ZMAT4: variants seen among roughly 807,000 people sequenced by gnomAD.
The protein encoded by ZMAT4 is zinc finger matrin-type 4.
ZMAT4 carries 17 observed loss-of-function variants against 28.7 expected under a neutral mutation model. The observed-to-expected ratio is 0.59, with a 90% CI of 0.41 to 0.89. ZMAT4 has a LOEUF of 0.89. ZMAT4 is among the 40% of genes least tolerant of loss of function. The pLI, the probability that ZMAT4 is intolerant of heterozygous loss-of-function variation, is 0.00. For missense variants in ZMAT4, 240 were observed against 283.8 expected (o/e 0.85, Z 1.11); for synonymous variants, 117 against 109.2 (o/e 1.07, Z -0.44).
At chr8:40,838,671 T>G (rs1231089773) in intron 1 of ZMAT4, among the ~76,000 whole-genome samples, 1 of 152,160 alleles carries the variant, frequency 6.6e-6, no homozygotes, top group African/African-American at 2.4e-5. Flanking sequence ...AGACTGACTC[T>G]CAGTCAATGC....
chr8:40,602,326 G>A (rs1270008680), intron 5 of ZMAT4, among the ~76,000 whole-genome samples: 3 of 152,168 alleles, frequency 2.0e-5, no homozygotes, highest in Non-Finnish European at 2.9e-5. Context: ...CTATAAACAT[G>A]CATGTGCAAG....
intron 5 of ZMAT4, among the ~76,000 whole-genome samples, chr8:40,592,048 A>C (rs1804910992): frequency 6.6e-6 from 1 of 152,162 alleles, no homozygotes; most frequent in Non-Finnish European, 1.5e-5. Context: ...AAAACACCTA[A>C]TTTTGAAACT....
intron 5 of ZMAT4, among the ~76,000 whole-genome samples, chr8:40,671,066 C>T (rs1392988253): frequency 8.1e-6 from 1 of 123,596 alleles, no homozygotes; most frequent in African/African-American, 3.1e-5. Flanking sequence ...GACTCCATCT[C>T]AAAAAAAAAA....
intron 3 of ZMAT4, among the ~76,000 whole-genome samples, chr8:40,722,653 A>G (rs73611486): frequency 6.6e-6 from 1 of 152,150 alleles, no homozygotes; most frequent in Non-Finnish European, 1.5e-5. Flanking sequence ...AAATAAAACT[A>G]TCTAATGAAA....
intron 6 of ZMAT4, among the ~76,000 whole-genome samples, chr8:40,569,189 A>G (rs1044491548): frequency 4.6e-5 from 7 of 152,198 alleles, no homozygotes; most frequent in Non-Finnish European, 1.0e-4. Flanking sequence ...AAGAGAAGTG[A>G]TAAATAACTG....
At chr8:40,663,179 G>A (rs2599665) in intron 5 of ZMAT4, among the ~76,000 whole-genome samples, 1 of 151,974 alleles carries the variant, frequency 6.6e-6, no homozygotes, top group East Asian at 1.9e-4. Context: ...CTGAATGCTA[G>A]TTATGATCAC....
At chr8:40,756,858 T>G (rs998529853) in intron 3 of ZMAT4, among the ~76,000 whole-genome samples, 2 of 152,174 alleles carry the variant, frequency 1.3e-5, no homozygotes, top group Non-Finnish European at 2.9e-5. Context: ...TTATTTGATA[T>G]ACATTGGTGA....
At chr8:40,542,702 A>G (rs1423275159) in intron 6 of ZMAT4, among the ~76,000 whole-genome samples, 1 of 152,186 alleles carries the variant, frequency 6.6e-6, no homozygotes, top group Non-Finnish European at 1.5e-5. Flanking sequence ...TACAATTTTT[A>G]TAACAAATTA....
intron 5 of ZMAT4, among the ~76,000 whole-genome samples, chr8:40,642,413 A>G (rs1254608339): frequency 6.6e-6 from 1 of 152,220 alleles, no homozygotes; most frequent in Non-Finnish European, 1.5e-5. Context: ...GCTGAGAGGG[A>G]CATCACACAT....
intron 5 of ZMAT4, among the ~76,000 whole-genome samples, chr8:40,656,258 A>G (rs1807919211): frequency 6.6e-6 from 1 of 152,146 alleles, no homozygotes; most frequent in South Asian, 2.1e-4. Flanking sequence ...TTACTATGTC[A>G]TATTCTAGGA....
chr8:40,674,853 G>A lies in ZMAT4; in HGVS notation c.428C>T (p.Ser143Leu), dbSNP rs199902110. ...TGCACAGAGCCCACAGTATCTGTCT[G>A]AATCTCTTCTTTGATAGGGAGATGC... ...VVASPYQRRD[S>L]DRYCGLCAAW... Residue 143 changes from serine (S) to leucine (L), a missense_variant, in exon 5 of 7, where the codon TCA (serine) becomes TTA (leucine). Transcript: ENST00000297737. 1 of 1,613,880 alleles carries A rather than the reference G, an allele frequency of 6.2e-7. No homozygotes were observed. The highest frequency in any genetic ancestry group is 2.2e-5 in the East Asian group (1 of 44,864).
At chr8:40,728,340 C>A (rs1265486110) in intron 3 of ZMAT4, among the ~76,000 whole-genome samples, 1 of 152,190 alleles carries the variant, frequency 6.6e-6, no homozygotes, top group Non-Finnish European at 1.5e-5. Flanking sequence ...TACTTCCGTA[C>A]CTTAACACAG....
intron 2 of ZMAT4, among the ~76,000 whole-genome samples, chr8:40,805,941 A>T (rs111664720): frequency 5.3e-4 from 79 of 149,248 alleles, no homozygotes; most frequent in Non-Finnish European, 8.8e-4. Flanking sequence ...AAGTATAATT[A>T]AAAAAAAAAG....
intron 1 of ZMAT4, among the ~76,000 whole-genome samples, chr8:40,882,204 C>T (rs1187657788): frequency 6.6e-6 from 1 of 152,120 alleles, no homozygotes; most frequent in Non-Finnish European, 1.5e-5. Context: ...TTAGAGAGAT[C>T]GATAGGGTTT....
intron 5 of ZMAT4, among the ~76,000 whole-genome samples, chr8:40,632,275 T>C (rs1286276460): frequency 3.9e-5 from 6 of 152,208 alleles, no homozygotes; most frequent in Non-Finnish European, 8.8e-5. Context: ...GGCAAGAAAA[T>C]GTTTTTAAAA....
intron 5 of ZMAT4, among the ~76,000 whole-genome samples, chr8:40,617,333 C>A (rs1806044840): frequency 6.6e-6 from 1 of 152,184 alleles, no homozygotes; most frequent in South Asian, 2.1e-4. Context: ...TCCAGACCTA[C>A]CAATCAGTGC....
At chr8:40,735,205 T>C (rs986970273) in intron 3 of ZMAT4, among the ~76,000 whole-genome samples, 4 of 152,244 alleles carry the variant, frequency 2.6e-5, no homozygotes, top group African/African-American at 7.2e-5. Context: ...TCTTTGGTGG[T>C]AATACATCTG....
At chr8:40,537,609 T>C (rs900044787) in intron 6 of ZMAT4, among the ~76,000 whole-genome samples, 3 of 152,240 alleles carry the variant, frequency 2.0e-5, no homozygotes, top group Non-Finnish European at 4.4e-5. Context: ...ACTCCTGATG[T>C]GCTTCAGAAC....
intron 3 of ZMAT4, among the ~76,000 whole-genome samples, chr8:40,712,099 T>G (rs963656562): frequency 6.6e-6 from 1 of 152,222 alleles, no homozygotes; most frequent in African/African-American, 2.4e-5. Flanking sequence ...ATTAATTTGA[T>G]AGACCACCTG....
Sources: allele counts gnomAD v4.1 joint callset (sites outside exome capture counted in the v4.1 genomes callset), GRCh38; gene constraint gnomAD v4.1.1; transcripts MANE v1.5; gene names NCBI Gene and HGNC (gene_info 2026-07-23, HGNC 2026-07-21).